Variants in MAP7D2 observed in about 807,000 individuals in gnomAD.
MAP7D2 encodes MAP7 domain containing 2.
Under a neutral mutation model 63.5 loss-of-function variants are expected in MAP7D2, and 33 were observed. That is an observed-to-expected ratio of 0.52 (90% CI 0.39 to 0.70). The LOEUF (loss-of-function observed/expected upper bound fraction) is 0.70. MAP7D2 is among the 30% of genes least tolerant of loss of function. MAP7D2 has a pLI of 0.00. For synonymous variants in MAP7D2, 224 were observed against 223.7 expected (o/e 1.00, Z -0.01); for missense variants, 626 against 604.0 (o/e 1.04, Z -0.38).
chrX:20,087,205 A>C (rs2148471959), intron 1 of MAP7D2, among the ~76,000 whole-genome samples: 1 of 112,450 alleles, frequency 8.9e-6, no homozygotes, highest in South Asian at 3.7e-4. Context: ...CATATGCTAT[A>C]GTCTGGATAA....
chrX:20,059,629 TGGAAGGAAGGAA>T (rs1173651597), intron 3 of MAP7D2, among the ~76,000 whole-genome samples: 161 of 45,954 alleles, frequency 3.5e-3, no homozygotes, highest in Admixed American at 6.0e-3. Flanking sequence ...GAAGGAAGGG[TGGAAGGAAGGAA>T]GGAAGGAAGG....
chrX:20,010,991 G>GA lies in MAP7D2; in HGVS notation c.2133dup (p.Pro712SerfsTer12). On this transcript the variant is annotated frameshift_variant, in exon 16 of 17. Coordinates refer to ENST00000379643, the MANE Select transcript of MAP7D2 (RefSeq NM_001168465.2). LOFTEE classifies it high-confidence loss of function. ...CCATTTTGGTCCAGAGACACCCCAG[G>GA]AATCATTTCACTCACTGGTGAAAAT... 1 of 1,210,153 alleles carries GA rather than the reference G, an allele frequency of 8.3e-7. No homozygotes were observed. The highest frequency in any genetic ancestry group is 1.1e-6 in the Non-Finnish European group (1 of 894,123).
At chrX:20,059,038 G>C (rs1343192633) in intron 3 of MAP7D2, among the ~76,000 whole-genome samples, 1 of 111,747 alleles carries the variant, frequency 8.9e-6, no homozygotes. Flanking sequence ...TTGCAGTCCT[G>C]GGCTTCAGTT....
At chrX:20,114,111 G>A (rs1429389647) in intron 1 of MAP7D2, among the ~76,000 whole-genome samples, 3 of 112,095 alleles carry the variant, frequency 2.7e-5, no homozygotes, top group African/African-American at 9.7e-5. Flanking sequence ...TCAGCTCACT[G>A]CAACCTCCGC....
intron 2 of MAP7D2, among the ~76,000 whole-genome samples, 189 bp downstream of exon 2, chrX:20,064,539 G>A (rs762136072): frequency 1.6e-4 from 18 of 112,122 alleles, no homozygotes; most frequent in African/African-American, 5.5e-4. Context: ...AATGTTTGCC[G>A]AGTGAACTAT....
chrX:20,105,498 CA>C (rs1403733220), intron 1 of MAP7D2, among the ~76,000 whole-genome samples: 1 of 111,767 alleles, frequency 8.9e-6, no homozygotes, highest in African/African-American at 3.3e-5. Flanking sequence ...TCTTTCACAT[CA>C]AACCTAGAAA....
chrX:20,037,084 G>A (rs2064514874), intron 8 of MAP7D2, among the ~76,000 whole-genome samples: 1 of 109,679 alleles, frequency 9.1e-6, no homozygotes, highest in South Asian at 4.0e-4. Flanking sequence ...CTTCTAGAGG[G>A]ACAGAAGTAA....
rs771426539 is a variant in MAP7D2 at position 20,101,421 on chromosome X, C to T, written c.130+15329G>A. Among the ~76,000 whole-genome samples the T allele has an allele frequency of 4.5e-5, 5 of 112,169 alleles. No homozygotes were observed. In the East Asian group the frequency reaches 8.3e-4, roughly 19 times the overall value. The stretch of plus-strand genomic sequence containing the variant: ...GCGATAAAAACTAGAAACAAGCTAA[C>T]TGTGAAAATGCTTTGTGATGTATCA... On this transcript the variant is annotated intron_variant, in intron 1 of 16. Transcript: ENST00000379643.
intron 1 of MAP7D2, among the ~76,000 whole-genome samples, chrX:20,082,354 T>C (rs1327628686): frequency 2.7e-5 from 3 of 112,202 alleles, no homozygotes; most frequent in Non-Finnish European, 5.6e-5. Flanking sequence ...ACCAAGACCC[T>C]GTCTCTACAA....
intron 1 of MAP7D2, among the ~76,000 whole-genome samples, chrX:20,101,775 G>A (rs953011730): frequency 8.9e-6 from 1 of 112,171 alleles, no homozygotes; most frequent in African/African-American, 3.2e-5. Flanking sequence ...CAGACATAAT[G>A]TCAAGTGAAA....
At chrX:20,013,754 T>A in intron 12 of MAP7D2, 129 bp from the exon 13 acceptor site, 2 of 468,303 alleles carry the variant, frequency 4.3e-6, no homozygotes, top group Non-Finnish European at 7.1e-6. Flanking sequence ...CAGAAGAGGA[T>A]AACAAGTATA....
At chrX:20,090,071 C>G (rs1356121558) in intron 1 of MAP7D2, among the ~76,000 whole-genome samples, 3 of 111,870 alleles carry the variant, frequency 2.7e-5, no homozygotes, top group Non-Finnish European at 5.6e-5. Context: ...TTAAAAGTGG[C>G]TCCCTGCTGG....
intron 1 of MAP7D2, among the ~76,000 whole-genome samples, chrX:20,081,274 G>C (rs1445470515): frequency 2.7e-5 from 3 of 111,489 alleles, no homozygotes; most frequent in Non-Finnish European, 5.6e-5. Flanking sequence ...AGATGTAAAA[G>C]AGTCTCATCC....
intron 1 of MAP7D2, among the ~76,000 whole-genome samples, chrX:20,099,854 T>C (rs867757434): frequency 1.8e-5 from 2 of 112,025 alleles, no homozygotes; most frequent in African/African-American, 6.5e-5. Context: ...CCAACACCCA[T>C]AGGAGTCAAG....
At chrX:20,041,390 ATGGAAAGATTTTCCT>A (rs1471746695) in intron 8 of MAP7D2, among the ~76,000 whole-genome samples, 28 of 112,336 alleles carry the variant, frequency 2.5e-4, no homozygotes, top group Non-Finnish European at 9.4e-5. Flanking sequence ...GTGATGTGCT[ATGGAAAGATTTTCCT>A]TATGGAGGAC....
chrX:20,096,429 C>CAAAAAAAAAA (rs775218484), intron 1 of MAP7D2, among the ~76,000 whole-genome samples: 2 of 40,095 alleles, frequency 5.0e-5, no homozygotes, highest in African/African-American at 8.7e-5. Flanking sequence ...GACCTTGTCT[C>CAAAAAAAAAA]AAAAAAAAAA....
chrX:20,107,407 C>G (rs1337245995), intron 1 of MAP7D2, among the ~76,000 whole-genome samples: 2 of 110,651 alleles, frequency 1.8e-5, no homozygotes, highest in African/African-American at 6.6e-5. Flanking sequence ...CCTGTCTCTA[C>G]TAAAAATACA....
At chrX:20,022,187 C>A (rs1184826730) in intron 10 of MAP7D2, among the ~76,000 whole-genome samples, 1 of 111,644 alleles carries the variant, frequency 9.0e-6, no homozygotes, top group African/African-American at 3.3e-5. Context: ...GGAAGGAGCA[C>A]AAGTCCACGT....
chrX:20,064,267 T>C (rs2065294480), intron 2 of MAP7D2, among the ~76,000 whole-genome samples: 1 of 112,351 alleles, frequency 8.9e-6, no homozygotes, highest in African/African-American at 3.2e-5. Flanking sequence ...TCTGCACTAA[T>C]CTGTCTACAG....
Sources: allele counts gnomAD v4.1 joint callset (sites outside exome capture counted in the v4.1 genomes callset), GRCh38; gene constraint gnomAD v4.1.1; transcripts MANE v1.5; gene names NCBI Gene and HGNC (gene_info 2026-07-23, HGNC 2026-07-21).